NUDC: variants seen among roughly 807,000 people sequenced by gnomAD.
NUDC encodes the protein nuclear migration protein nudC.
Under a neutral mutation model 45.0 loss-of-function variants are expected in NUDC, and 14 were observed. The observed-to-expected ratio is 0.31, with a 90% CI of 0.21 to 0.49. The LOEUF (loss-of-function observed/expected upper bound fraction) is 0.49, where lower values mean the gene tolerates loss of function less well. Ranked by LOEUF, NUDC falls within the 20% of genes least tolerant of loss-of-function variation. NUDC has a pLI of 0.99. For synonymous variants in NUDC, 153 were observed against 156.7 expected (o/e 0.98, Z 0.17); for missense variants, 323 against 426.2 (o/e 0.76, Z 2.13).
chr1:26,911,745 C>T, intron 3 of NUDC: 1 of 1,429,726 alleles, frequency 7.0e-7, no homozygotes, highest in Non-Finnish European at 9.8e-7. Flanking sequence ...TCTATACAGG[C>T]TTGCCCCCTC....
Position 26,924,126 on chromosome 1 carries a change from C to T in NUDC, c.119C>T (p.Thr40Ile). The change falls in exon 2 of 9, where the codon ACA (threonine) becomes ATA (isoleucine). Residue 40 changes from threonine (T) to isoleucine (I), a missense_variant. Around this residue, in one of 3 missense-constraint regions of NUDC, gnomAD observed 245 missense variants for 278.8 expected, o/e 0.88. Coordinates refer to ENST00000321265, the MANE Select transcript of NUDC (RefSeq NM_006600.4). Reference sequence around the variant, plus strand: ...TTCTTCAGCTTCCTTCGACGCAAAACAGACTTTTTCATTGGAGGAGAAGAA... The same window carrying T: ...TTCTTCAGCTTCCTTCGACGCAAAATAGACTTTTTCATTGGAGGAGAAGAA... ...NTFFSFLRRKTDFFIGGEEGM... is the reference protein window; with the variant it reads ...NTFFSFLRRKIDFFIGGEEGM... 1 of 1,614,100 alleles carries T rather than the reference C, an allele frequency of 6.2e-7. No individual in the cohort carries two copies. The highest frequency in any genetic ancestry group is 1.1e-5 in the South Asian group (1 of 91,088).
At chr1:26,915,063 ATATATATATATATG>A (rs2082055543) in intron 3 of NUDC, among the ~76,000 whole-genome samples, 1 of 148,456 alleles carries the variant, frequency 6.7e-6, no homozygotes, top group Non-Finnish European at 1.5e-5. Flanking sequence ...ACATACATAT[ATATATATATATATG>A]TATATATATG....
At chr1:26,927,962 A>G (rs2124105559) in intron 2 of NUDC, among the ~76,000 whole-genome samples, 1 of 152,304 alleles carries the variant, frequency 6.6e-6, no homozygotes, top group East Asian at 1.9e-4. Flanking sequence ...TATACATACC[A>G]AGTAGAAGAA....
chr1:26,901,253 C>T (rs556268801), intron 1 of NUDC, among the ~76,000 whole-genome samples: 189 of 151,794 alleles, frequency 1.2e-3, no homozygotes, highest in Non-Finnish European at 2.3e-3. Context: ...CTATGCCTGG[C>T]TAATTTTTTA....
chr1:26,929,033 T>A (rs903054513), intron 2 of NUDC, among the ~76,000 whole-genome samples: 1 of 152,146 alleles, frequency 6.6e-6, no homozygotes, highest in Admixed American at 6.5e-5. Context: ...AGCAGGTGAA[T>A]GGATAAACAA....
chr1:26,913,950 T>G, intron 3 of NUDC: 1 of 1,460,138 alleles, frequency 6.8e-7, no homozygotes, highest in Non-Finnish European at 9.1e-7. Flanking sequence ...TGGTTAGGGA[T>G]CTGCTCTCAC....
In NUDC at chr1:26,910,326, G is replaced by A. The variant is rs1012638408; in HGVS notation, c.-15-802G>A. Among the ~76,000 whole-genome samples, 12 of 152,122 alleles carry A rather than the reference G, an allele frequency of 7.9e-5. 1 individual carries two copies. Among genetic ancestry groups the A allele is most frequent in the Admixed American group, 5.2e-4 (8 of 15,264 alleles). Reference sequence around the variant, plus strand: ...TATGTGTGTGTTGGGGGGTGTCCAAGTTGTGTTGTTTGTATTTGTGTGAGA... The same window carrying A: ...TATGTGTGTGTTGGGGGGTGTCCAAATTGTGTTGTTTGTATTTGTGTGAGA... On this transcript the variant is annotated intron_variant, in intron 2 of 6. Coordinates refer to the NUDC transcript ENST00000435827.
chr1:26,900,407 T>C (rs1040080036), intron 1 of NUDC: 2 of 1,611,998 alleles, frequency 1.2e-6, no homozygotes, highest in Non-Finnish European at 1.7e-6. Flanking sequence ...CCAGGTAAAC[T>C]GTCGCCTCCT....
intron 2 of NUDC, among the ~76,000 whole-genome samples, chr1:26,936,259 G>A (rs1405342595): frequency 8.3e-6 from 1 of 121,030 alleles, no homozygotes; most frequent in Non-Finnish European, 1.6e-5. Flanking sequence ...TCCTGATCTC[G>A]GCTCACCACA....
At chr1:26,904,791 A>G (rs953466531) in intron 2 of NUDC, among the ~76,000 whole-genome samples, 16 of 152,136 alleles carry the variant, frequency 1.1e-4, no homozygotes, top group Admixed American at 2.0e-4. Context: ...TCTGCTGGAT[A>G]TAGAAACTAA....
intron 1 of NUDC, chr1:26,900,502 C>T (rs2081972972): frequency 2.1e-6 from 3 of 1,404,338 alleles, no homozygotes; most frequent in Non-Finnish European, 2.9e-6. Flanking sequence ...GAGCAACGTT[C>T]CAGCCCCTGC....
chr1:26,943,509 A>G (rs1433738055), intron 6 of NUDC, among the ~76,000 whole-genome samples: 3 of 151,976 alleles, frequency 2.0e-5, no homozygotes, highest in Non-Finnish European at 4.4e-5. Context: ...TGAGTCAGGA[A>G]AAGAGCTCGT....
chr1:26,911,722 G>C, intron 3 of NUDC: 1 of 1,133,048 alleles, frequency 8.8e-7, no homozygotes, highest in Non-Finnish European at 1.3e-6. Flanking sequence ...TGTTCCTAAG[G>C]AGCCAAGTGC....
chr1:26,938,305 A>G (rs754529138), intron 2 of NUDC, among the ~76,000 whole-genome samples: 16 of 152,180 alleles, frequency 1.1e-4, no homozygotes, highest in Non-Finnish European at 2.1e-4. Flanking sequence ...CTTAACCTCC[A>G]GGAGCTAGGA....
intron 8 of NUDC, 120 bp from the exon 9 acceptor site, chr1:26,946,010 C>A: frequency 1.0e-6 from 1 of 996,940 alleles, no homozygotes; most frequent in Non-Finnish European, 1.6e-6. Flanking sequence ...CCTGCTCCTG[C>A]CCAGCCTGGC....
Position 26,921,925 on chromosome 1 carries a change from A to G in NUDC, c.77A>G (p.Gln26Arg). Reference protein sequence around the residue: ...AMAQQHEGGVQELVNTFFSFL... With the variant: ...AMAQQHEGGVRELVNTFFSFL... ...GCTCAGCAGCACGAGGGCGGCGTGC[A>G]GGAGGTAACGGCCCGCGCGGCGTCG... Residue 26 changes from glutamine to arginine, a missense_variant, in exon 1 of 9, where the codon CAG becomes CGG. Around this residue, in one of 3 missense-constraint regions of NUDC, gnomAD observed 24 missense variants for 47.2 expected, o/e 0.51. Transcript: ENST00000321265. The G allele has an allele frequency of 6.4e-7, 1 of 1,551,750 alleles. No homozygotes were observed. Among genetic ancestry groups the G allele is most frequent in the Non-Finnish European group, 8.7e-7 (1 of 1,147,218 alleles).
chr1:26,901,540 G>A (rs2081978961), intron 1 of NUDC, among the ~76,000 whole-genome samples: 1 of 151,884 alleles, frequency 6.6e-6, no homozygotes, highest in Middle Eastern at 3.4e-3. Context: ...GAGTAGCTGG[G>A]ACTACAGGTG....
intron 2 of NUDC, among the ~76,000 whole-genome samples, chr1:26,939,153 C>G (rs752194858): frequency 5.9e-5 from 9 of 152,240 alleles, no homozygotes; most frequent in Admixed American, 2.0e-4. Flanking sequence ...GCCACCACAC[C>G]GGGCTCATTT....
chr1:26,920,771 AAAAAC>A (rs963904817), upstream of NUDC, among the ~76,000 whole-genome samples: 19 of 144,262 alleles, frequency 1.3e-4, no homozygotes, highest in Admixed American at 3.6e-4. Context: ...ACAAAAAACA[AAAAAC>A]AAAAAAAAAA....
Sources: allele counts gnomAD v4.1 joint callset (sites outside exome capture counted in the v4.1 genomes callset), GRCh38; gene constraint gnomAD v4.1.1; regional missense constraint gnomAD v4.1.1; transcripts MANE v1.5; gene names NCBI Gene and HGNC (gene_info 2026-07-23, HGNC 2026-07-21).